The following MKLN1 variants were observed in gnomAD, a reference collection of about 807,000 sequenced individuals.
MKLN1 encodes the protein muskelin 1.
In MKLN1, 18 loss-of-function variants were observed where a neutral mutation model predicts 99.0. The ratio of observed to expected loss-of-function variants is 0.18; its 90% CI spans 0.13 to 0.27. The LOEUF (loss-of-function observed/expected upper bound fraction) is 0.27, where lower values mean the gene tolerates loss of function less well. Among genes scored for constraint, MKLN1 ranks in the 10% least tolerant of loss-of-function variants. The pLI is 1.00. For missense variants in MKLN1, 621 were observed against 875.9 expected (o/e 0.71, Z 3.67); for synonymous variants, 288 against 293.2 (o/e 0.98, Z 0.18).
At chr7:131,247,904 C>T (rs11514963) in intron 3 of MKLN1, among the ~76,000 whole-genome samples, 122,760 of 151,626 alleles carry the variant, frequency 0.81, 49,941 homozygotes, top group East Asian at 0.96. Flanking sequence ...TTTGTTTGTG[C>T]GTGTGTGTGT....
At chr7:131,208,216 A>G (rs1796848281) in intron 3 of MKLN1, among the ~76,000 whole-genome samples, 1 of 152,228 alleles carries the variant, frequency 6.6e-6, no homozygotes. Flanking sequence ...GTAGGGTGGA[A>G]GATGTTAATG....
At chr7:131,240,787 C>T (rs140230521) in intron 3 of MKLN1, among the ~76,000 whole-genome samples, 1 of 152,032 alleles carries the variant, frequency 6.6e-6, no homozygotes. Flanking sequence ...ACCAAGTTGT[C>T]GTTAAAGAAC....
chr7:131,271,618 TAAA>T (rs757729397), intron 3 of MKLN1, among the ~76,000 whole-genome samples: 19 of 102,262 alleles, frequency 1.9e-4, no homozygotes, highest in Admixed American at 2.2e-4. Flanking sequence ...CTCCGTCTCC[TAAA>T]AAAAAAAAAA....
Position 131,260,132 on chromosome 7 carries a change from G to A in MKLN1, c.-179+57158G>A, listed in dbSNP as rs376651433. Among the ~76,000 whole-genome samples, 139 of 151,704 alleles carry A rather than the reference G, an allele frequency of 9.2e-4. 1 individual carries two copies. Among genetic ancestry groups the A allele is most frequent in the Middle Eastern group, 6.8e-3 (2 of 294 alleles). On this transcript the variant is annotated intron_variant, in intron 3 of 7. Coordinates refer to the MKLN1 transcript ENST00000416992. ...ACGATCTCAGCTCACTGCAACCTCT[G>A]CCTCCCGAGCTCAAGCAATTCTGCC...
intron 16 of MKLN1, among the ~76,000 whole-genome samples, chr7:131,474,505 C>T (rs968605489): frequency 1.3e-5 from 2 of 152,098 alleles, no homozygotes; most frequent in African/African-American, 2.4e-5. Context: ...TGTTAAAATC[C>T]TTAGGCCAGT....
chr7:131,187,703 A>G (rs1796473036), intron 2 of MKLN1, among the ~76,000 whole-genome samples: 1 of 152,130 alleles, frequency 6.6e-6, no homozygotes, highest in South Asian at 2.1e-4. Flanking sequence ...CTGAGATGGA[A>G]GGATCACTTG....
intron 4 of MKLN1, among the ~76,000 whole-genome samples, chr7:131,390,656 C>T (rs1248848312): frequency 1.3e-5 from 2 of 152,164 alleles, no homozygotes; most frequent in East Asian, 1.9e-4. Context: ...TAACATATCC[C>T]TCACCTCACA....
At chr7:131,124,313 T>C (rs1263161473) in intron 1 of MKLN1, among the ~76,000 whole-genome samples, 1 of 152,154 alleles carries the variant, frequency 6.6e-6, no homozygotes, top group Non-Finnish European at 1.5e-5. Flanking sequence ...CAGACACATA[T>C]AGAAACCCGC....
intron 1 of MKLN1, among the ~76,000 whole-genome samples, chr7:131,119,362 C>T (rs111767694): frequency 0.055 from 8,406 of 152,328 alleles, 271 homozygotes; most frequent in Middle Eastern, 0.082. Context: ...GGCTCTGCAG[C>T]ATACATCCCC....
intron 2 of MKLN1, among the ~76,000 whole-genome samples, chr7:131,162,718 A>G (rs1449867340): frequency 6.6e-6 from 1 of 152,234 alleles, no homozygotes; most frequent in Non-Finnish European, 1.5e-5. Context: ...AGCATTTCGA[A>G]TAAGAGATGC....
intron 3 of MKLN1, among the ~76,000 whole-genome samples, chr7:131,243,321 G>A (rs952894075): frequency 6.6e-6 from 1 of 152,000 alleles, no homozygotes. Flanking sequence ...ACAGTATGTC[G>A]GGAGACAATC....
rs368529540 is a variant in MKLN1 at position 131,429,012 on chromosome 7, A to C, written c.848-21A>C. 54 of 1,592,998 alleles carry C rather than the reference A, an allele frequency of 3.4e-5. No homozygotes were observed. The East Asian group carries it at 1.1e-3, about 34-fold the overall frequency. ...TTATTTTGTCCTTTTTTTTTTACAC[A>C]TATTTTTCTGATTTTCATAGAGACT... On this transcript the variant is annotated intron_variant, in intron 8 of 17. Transcript: ENST00000352689.
chr7:131,115,193 C>T (rs1289685105), intron 1 of MKLN1, among the ~76,000 whole-genome samples: 3 of 152,058 alleles, frequency 2.0e-5, no homozygotes, highest in Non-Finnish European at 2.9e-5. Context: ...CTTAAGGCTG[C>T]ACAAGGAAAG....
chr7:131,364,524 A>C (rs558177680), intron 1 of MKLN1, among the ~76,000 whole-genome samples: 1 of 151,378 alleles, frequency 6.6e-6, no homozygotes, highest in Non-Finnish European at 1.5e-5. Flanking sequence ...AGGTTTTTAC[A>C]TAGTTGTGTT....
In MKLN1 at chr7:131,494,997, T is replaced by C. The variant is rs1797519042; in HGVS notation, c.*7269T>C. The C allele has an allele frequency of 6.6e-6, 1 of 152,216 alleles. No individual in the cohort carries two copies. The highest frequency in any genetic ancestry group is 2.1e-4 in the South Asian group (1 of 4,832). 9.4% of individuals were successfully genotyped at this position (152,216 alleles called of 1,614,324 possible). A position where few individuals can be genotyped will look rare whatever the true frequency, so the allele number is the denominator to read the frequency against. On this transcript the variant is annotated 3_prime_UTR_variant, in exon 18 of 18. Transcript: ENST00000352689. ...TCTTGCTCCCACTCCAAAAGCTATG[T>C]ACAGTTGAGTTATTAGCCTCAGAGG... is the stretch of plus-strand genomic sequence containing the variant.
rs183770719 is a variant in MKLN1 at position 131,245,971 on chromosome 7, G to T, written c.-179+42997G>T. Among the ~76,000 whole-genome samples the T allele has an allele frequency of 5.4e-4, 82 of 152,334 alleles. 1 individual carries two copies. The highest frequency in any genetic ancestry group is 3.4e-3 in the Middle Eastern group (1 of 294). On this transcript the variant is annotated intron_variant, in intron 3 of 7. Coordinates refer to the MKLN1 transcript ENST00000416992. ...CAATGGGCAGATGCGTGATTGCTGTGCACCTGTGATGGTCAAAGCCCAAGC... is the reference window on the plus strand; with the variant it reads ...CAATGGGCAGATGCGTGATTGCTGTTCACCTGTGATGGTCAAAGCCCAAGC...
chr7:131,130,216 G>C (rs1795528920), intron 1 of MKLN1, among the ~76,000 whole-genome samples: 1 of 152,148 alleles, frequency 6.6e-6, no homozygotes. Context: ...TATGATTATA[G>C]ACATGCTATG....
intron 6 of MKLN1, among the ~76,000 whole-genome samples, chr7:131,403,728 T>A (rs761807535): frequency 3.1e-4 from 47 of 152,186 alleles, no homozygotes; most frequent in Non-Finnish European, 5.7e-4. Context: ...GGGGAACTGC[T>A]GGTTTATGGA....
At chr7:131,237,944 C>T (rs1014620714) in intron 3 of MKLN1, among the ~76,000 whole-genome samples, 1 of 152,106 alleles carries the variant, frequency 6.6e-6, no homozygotes, top group Admixed American at 6.5e-5. Context: ...GTCAGGAGTT[C>T]GACACCAGCC....
Sources: allele counts gnomAD v4.1 joint callset (sites outside exome capture counted in the v4.1 genomes callset), GRCh38; gene constraint gnomAD v4.1.1; transcripts MANE v1.5; gene names NCBI Gene and HGNC (gene_info 2026-07-23, HGNC 2026-07-21).